PROM1: variants seen among roughly 807,000 people sequenced by gnomAD.
The protein encoded by PROM1 is prominin 1, also known as prominin-1.
Under a neutral mutation model 116.9 loss-of-function variants are expected in PROM1, and 105 were observed. The ratio of observed to expected loss-of-function variants is 0.90; its 90% CI spans 0.77 to 1.06. PROM1 has a LOEUF of 1.06. PROM1 is among the 50% of genes least tolerant of loss of function. PROM1 has a pLI of 0.00. For missense variants in PROM1, 1,122 were observed against 1,045.2 expected (o/e 1.07, Z -1.01); for synonymous variants, 393 against 387.0 (o/e 1.02, Z -0.18).
chr4:16,005,614 G>C (rs971676123), intron 13 of PROM1, among the ~76,000 whole-genome samples: 4 of 151,758 alleles, frequency 2.6e-5, no homozygotes, highest in Non-Finnish European at 2.9e-5. Context: ...CTGCTCTCCA[G>C]CCCGCTCACT....
intron 2 of PROM1, among the ~76,000 whole-genome samples, chr4:16,051,969 A>G (rs982503724): frequency 6.6e-6 from 1 of 152,210 alleles, no homozygotes; most frequent in Non-Finnish European, 1.5e-5. Context: ...GTTCTATATA[A>G]TGTCCGAAAA....
chr4:16,023,106 C>CT (rs1560509181), intron 8 of PROM1, among the ~76,000 whole-genome samples: 1 of 2,022 alleles, frequency 4.9e-4, no homozygotes, highest in Non-Finnish European at 7.6e-3. Context: ...TAACAAATTC[C>CT]GCCCTATCAT....
rs1257976390 is a variant in PROM1 at position 16,061,915 on chromosome 4, G to A, written c.220+13772C>T. ...TTTTTTTTTTTTTTTTTTTTGAGACGGAGTCTCGCTCTGTCGCCCAGGCTG... is the reference window on the plus strand; with the variant it reads ...TTTTTTTTTTTTTTTTTTTTGAGACAGAGTCTCGCTCTGTCGCCCAGGCTG... On this transcript the variant is annotated intron_variant, in intron 2 of 27. Coordinates refer to ENST00000447510, the MANE Select transcript of PROM1 (RefSeq NM_006017.3). Among the ~76,000 whole-genome samples, 7 of 139,118 alleles carry A rather than the reference G, an allele frequency of 5.0e-5. No homozygotes were observed. In the South Asian group the frequency reaches 9.2e-4, roughly 18 times the overall value. 91.3% of individuals were successfully genotyped at this position (139,118 alleles called of 152,430 possible).
chr4:16,030,915 G>A (rs1020788533), intron 5 of PROM1, among the ~76,000 whole-genome samples: 5 of 152,142 alleles, frequency 3.3e-5, no homozygotes, highest in East Asian at 3.9e-4. Flanking sequence ...GCCTGGTGGC[G>A]CATGCTTGTA....
intron 2 of PROM1, among the ~76,000 whole-genome samples, chr4:16,043,414 C>T (rs1735787400): frequency 6.6e-6 from 1 of 152,176 alleles, no homozygotes; most frequent in Admixed American, 6.5e-5. Flanking sequence ...AAACTCCTGG[C>T]CTCAGCCTCC....
chr4:16,001,438 G>A (rs555140276), intron 13 of PROM1, among the ~76,000 whole-genome samples: 28 of 152,258 alleles, frequency 1.8e-4, no homozygotes, highest in African/African-American at 6.5e-4. Context: ...GGCTGGCTTG[G>A]AGAGAGAAAC....
At position 15,984,252 on chromosome 4, in the gene PROM1, T is replaced by C. The variant is rs764359295; in HGVS notation, c.2373+11A>G. On this transcript the variant is annotated intron_variant, in intron 23 of 27. Transcript: ENST00000447510. ...ATTCATTGTGTCTTCTTTTGAAAGATGAAATCTTACCAAGGGGTCGATAAT... is the reference window on the plus strand; with the variant it reads ...ATTCATTGTGTCTTCTTTTGAAAGACGAAATCTTACCAAGGGGTCGATAAT... The C allele has an allele frequency of 2.6e-6, 4 of 1,563,514 alleles. No homozygotes were observed. Among genetic ancestry groups the C allele is most frequent in the Non-Finnish European group, 3.5e-6 (4 of 1,139,628 alleles).
chr4:15,990,970 C>T (rs1720837168), intron 18 of PROM1, among the ~76,000 whole-genome samples: 1 of 152,276 alleles, frequency 6.6e-6, no homozygotes, highest in African/African-American at 2.4e-5. Flanking sequence ...AACCCTGCCA[C>T]TGCCTCAATA....
At chr4:15,993,202 C>T (rs780044088) in intron 16 of PROM1, among the ~76,000 whole-genome samples, 10 of 152,312 alleles carry the variant, frequency 6.6e-5, no homozygotes, top group African/African-American at 1.2e-4. Flanking sequence ...AGCAGCAGTG[C>T]GCAAGCTGTG....
intron 11 of PROM1, among the ~76,000 whole-genome samples, chr4:16,011,764 T>C (rs1284679921): frequency 6.6e-6 from 1 of 152,170 alleles, no homozygotes; most frequent in African/African-American, 2.4e-5. Flanking sequence ...TCTTATATTA[T>C]GCAAAAGGAA....
At chr4:15,993,919 A>C in intron 16 of PROM1, 68 bp downstream of exon 16, 2 of 1,551,254 alleles carry the variant, frequency 1.3e-6, no homozygotes, top group Non-Finnish European at 1.7e-6. Flanking sequence ...ATTTCCAGAA[A>C]AGAAAGAAAG....
chr4:15,998,643 A>G (rs1722916324), intron 14 of PROM1, among the ~76,000 whole-genome samples, 155 bp from the exon 15 acceptor site: 1 of 152,226 alleles, frequency 6.6e-6, no homozygotes, highest in Non-Finnish European at 1.5e-5. Flanking sequence ...AAATAATAGT[A>G]TAATTGGAAT....
chr4:16,061,227 T>G (rs1740245173), intron 2 of PROM1, among the ~76,000 whole-genome samples: 1 of 152,176 alleles, frequency 6.6e-6, no homozygotes, highest in African/African-American at 2.4e-5. Context: ...ATCCAGAGAT[T>G]TAAATGAATC....
chr4:16,035,815 A>G, intron 3 of PROM1, 54 bp from the exon 4 acceptor site: 1 of 1,537,620 alleles, frequency 6.5e-7, no homozygotes, highest in Non-Finnish European at 9.0e-7. Context: ...TGCATCAAGA[A>G]AACAGACAGA....
intron 3 of PROM1, among the ~76,000 whole-genome samples, chr4:16,038,562 C>T (rs1734460042): frequency 6.6e-6 from 1 of 152,074 alleles, no homozygotes; most frequent in Non-Finnish European, 1.5e-5. Flanking sequence ...GCCACCACGC[C>T]CGGCTAATTT....
At position 16,075,703 on chromosome 4, in the gene PROM1, C is replaced by T. The variant is rs775249686; in HGVS notation, c.204G>A (p.Pro68=). 16 of 1,612,548 alleles carry T rather than the reference C, an allele frequency of 9.9e-6. No homozygotes were observed. The highest frequency in any genetic ancestry group is 1.6e-4 in the Middle Eastern group (1 of 6,082). The part of the protein sequence containing the change: ...LVHIFLYVVQ[P]RDFPEDTLRK... ...AGCACTTACCTTCTGGGAAATCACG[C>T]GGCTGTACCACATAGAGAAAGATAT... The change falls in exon 2 of 28, where the codon CCG becomes CCA. Residue 68 remains proline, a synonymous_variant. Coordinates refer to ENST00000447510, the MANE Select transcript of PROM1 (RefSeq NM_006017.3).
chr4:15,979,121 C>T (rs1717045913), intron 26 of PROM1, among the ~76,000 whole-genome samples: 1 of 152,200 alleles, frequency 6.6e-6, no homozygotes, highest in South Asian at 2.1e-4. Context: ...GGTATGCATG[C>T]ATTTAATCTG....
intron 2 of PROM1, among the ~76,000 whole-genome samples, chr4:16,045,006 T>C (rs1485855682): frequency 6.6e-6 from 1 of 152,148 alleles, no homozygotes; most frequent in East Asian, 1.9e-4. Context: ...GTATATAATA[T>C]ACGGAGCACT....
chr4:15,992,242 C>T lies in PROM1; in HGVS notation c.1911+6G>A. 19 of 1,613,742 alleles carry T rather than the reference C, an allele frequency of 1.2e-5. No homozygotes were observed. Among genetic ancestry groups the T allele is most frequent in the Non-Finnish European group, 1.6e-5 (19 of 1,179,808 alleles). ...AAAGGATCAAGCATGAACACATGCG[C>T]CATACCTGAGCCAAGTAGCTGTCAT... On this transcript the variant is annotated splice_donor_region_variant and intron_variant, in intron 17 of 27. Coordinates refer to ENST00000447510, the MANE Select transcript of PROM1 (RefSeq NM_006017.3).
Sources: gnomAD v4.1 joint callset for allele counts (sites outside exome capture counted in the v4.1 genomes callset) on GRCh38, gnomAD v4.1.1 for gene constraint, MANE v1.5 for transcripts, NCBI Gene and HGNC (gene_info 2026-07-23, HGNC 2026-07-21) for gene names.